SDC2: variants seen among roughly 807,000 people sequenced by gnomAD.
The protein encoded by SDC2 is syndecan-2.
A neutral mutation model predicts 22.2 loss-of-function variants in SDC2; 13 were observed. The ratio of observed to expected loss-of-function variants is 0.59; its 90% CI spans 0.38 to 0.93. SDC2 has a LOEUF of 0.93. Among genes scored for constraint, SDC2 ranks in the 40% least tolerant of loss-of-function variants. The probability of loss-of-function intolerance (pLI) is 0.00; values close to 1 mark genes in which losing one functional copy is unlikely to be tolerated. For missense variants in SDC2, 235 were observed against 246.8 expected (o/e 0.95, Z 0.32); for synonymous variants, 94 against 92.8 (o/e 1.01, Z -0.07).
At chr8:96,578,352 A>G (rs1814537558) in intron 1 of SDC2, among the ~76,000 whole-genome samples, 2 of 152,204 alleles carry the variant, frequency 1.3e-5, no homozygotes, top group Non-Finnish European at 2.9e-5. Flanking sequence ...AAGATGAAAA[A>G]TTCAGTACCT....
At chr8:96,572,296 T>C (rs1814409447) in intron 1 of SDC2, among the ~76,000 whole-genome samples, 2 of 152,232 alleles carry the variant, frequency 1.3e-5, no homozygotes, top group African/African-American at 2.4e-5. Flanking sequence ...AAATCTTTCA[T>C]CTTATGGAAA....
At chr8:96,593,427 AGT>A (rs1814818545) in intron 1 of SDC2, 51 bp from the exon 2 acceptor site, 1 of 1,183,504 alleles carries the variant, frequency 8.4e-7, no homozygotes, top group Non-Finnish European at 1.3e-6. Context: ...CAGATATACA[AGT>A]GTGTTTCTTA....
intron 3 of SDC2, among the ~76,000 whole-genome samples, chr8:96,604,399 A>G (rs559076477): frequency 1.5e-4 from 23 of 152,368 alleles, no homozygotes; most frequent in African/African-American, 5.3e-4. Flanking sequence ...TGTTCAATAT[A>G]GTAATAGTAG....
intron 4 of SDC2, among the ~76,000 whole-genome samples, chr8:96,608,694 G>A (rs934527134): frequency 6.6e-6 from 1 of 152,210 alleles, no homozygotes; most frequent in Non-Finnish European, 1.5e-5. Context: ...CAGGGGATAG[G>A]AGGTAGCCTA....
At chr8:96,515,073 T>G (rs1290679047) in intron 1 of SDC2, among the ~76,000 whole-genome samples, 1 of 152,230 alleles carries the variant, frequency 6.6e-6, no homozygotes, top group African/African-American at 2.4e-5. Flanking sequence ...GGCCTTTCTC[T>G]GCCAGTTACC....
chr8:96,499,744 T>C (rs1813131661), intron 1 of SDC2, among the ~76,000 whole-genome samples: 1 of 150,944 alleles, frequency 6.6e-6, no homozygotes, highest in South Asian at 2.1e-4. Flanking sequence ...TTTTTTTTTC[T>C]TCCTTTCCTC....
intron 1 of SDC2, among the ~76,000 whole-genome samples, chr8:96,560,351 T>C (rs1165170693): frequency 6.6e-6 from 1 of 152,246 alleles, no homozygotes; most frequent in Non-Finnish European, 1.5e-5. Context: ...CTGTAGAACA[T>C]GAATAGTCAT....
intron 1 of SDC2, among the ~76,000 whole-genome samples, chr8:96,532,453 G>GA (rs1195909250): frequency 4.9e-4 from 52 of 106,386 alleles, no homozygotes; most frequent in Non-Finnish European, 8.3e-4. Context: ...CTTTGTTTGG[G>GA]AAAAAAAAGA....
At chr8:96,528,820 C>T (rs1813618186) in intron 1 of SDC2, among the ~76,000 whole-genome samples, 1 of 152,156 alleles carries the variant, frequency 6.6e-6, no homozygotes, top group South Asian at 2.1e-4. Context: ...TCCTTAATAT[C>T]CCAGAAGAAG....
chr8:96,603,533 G>A (rs1194089813), intron 3 of SDC2, among the ~76,000 whole-genome samples: 3 of 152,182 alleles, frequency 2.0e-5, no homozygotes, highest in Non-Finnish European at 4.4e-5. Flanking sequence ...CCAAGCTTTA[G>A]CAGCAGACAG....
chr8:96,540,442 G>A (rs1238146392), intron 1 of SDC2, among the ~76,000 whole-genome samples: 1 of 143,962 alleles, frequency 6.9e-6, no homozygotes, highest in Non-Finnish European at 1.5e-5. Flanking sequence ...CCTGGGAGGT[G>A]GAGGTTGCAG....
intron 1 of SDC2, among the ~76,000 whole-genome samples, chr8:96,565,097 T>TTTTTTTTTTTTTTTTTTTTTTGTTGTTG (rs1329448270): frequency 7.8e-6 from 1 of 128,628 alleles, no homozygotes; most frequent in African/African-American, 3.2e-5. Context: ...TTTTTTTTTT[T>TTTTTTTTTTTTTTTTTTTTTTGTTGTTG]TTGTTGAGAT....
chr8:96,573,157 G>GT (rs1350269377), intron 1 of SDC2, among the ~76,000 whole-genome samples: 3 of 151,922 alleles, frequency 2.0e-5, no homozygotes, highest in South Asian at 2.1e-4. Flanking sequence ...ACTATTTCAC[G>GT]TTTTTTCTCT....
chr8:96,585,872 T>G, intron 1 of SDC2, among the ~76,000 whole-genome samples: 1 of 97,310 alleles, frequency 1.0e-5, no homozygotes, highest in Non-Finnish European at 2.4e-5. Flanking sequence ...TTTTTTTTTT[T>G]TTTTTTGGTT....
At chr8:96,581,210 T>C (rs1814583762) in intron 1 of SDC2, among the ~76,000 whole-genome samples, 2 of 152,232 alleles carry the variant, frequency 1.3e-5, no homozygotes, top group Non-Finnish European at 2.9e-5. Flanking sequence ...TATGTGTTCT[T>C]GTTTTAAACG....
chr8:96,503,479 A>T (rs2130426219), intron 1 of SDC2, among the ~76,000 whole-genome samples: 1 of 152,360 alleles, frequency 6.6e-6, no homozygotes, highest in Admixed American at 6.5e-5. Context: ...GTGTGTATAA[A>T]GATAATGTAT....
chr8:96,599,025 T>C (rs1242346744), intron 2 of SDC2, among the ~76,000 whole-genome samples: 1 of 141,526 alleles, frequency 7.1e-6, no homozygotes, highest in Non-Finnish European at 1.5e-5. Context: ...CACTGCAACC[T>C]CCTCCTCCCA....
intron 4 of SDC2, 131 bp from the exon 5 acceptor site, chr8:96,609,254 C>T: frequency 2.9e-6 from 2 of 688,404 alleles, no homozygotes; most frequent in Non-Finnish European, 4.4e-6. Flanking sequence ...TCATTGAATC[C>T]AGCTTTTTTT....
At chr8:96,496,600 A>C (rs1481527590) in intron 1 of SDC2, among the ~76,000 whole-genome samples, 1 of 152,248 alleles carries the variant, frequency 6.6e-6, no homozygotes, top group Admixed American at 6.5e-5. Flanking sequence ...TGAATTTAAA[A>C]AAAAATTAGC....
Sources: gnomAD v4.1 joint callset for allele counts (sites outside exome capture counted in the v4.1 genomes callset) on GRCh38, gnomAD v4.1.1 for gene constraint, MANE v1.5 for transcripts, NCBI Gene and HGNC (gene_info 2026-07-23, HGNC 2026-07-21) for gene names.